Variants in GRID2 observed in about 807,000 individuals in gnomAD.
GRID2 encodes the protein glutamate receptor ionotropic, delta-2.
GRID2 carries 33 observed loss-of-function variants against 114.8 expected under a neutral mutation model. The ratio of observed to expected loss-of-function variants is 0.29; its 90% confidence interval spans 0.22 to 0.38. GRID2 has a LOEUF of 0.38. Among genes scored for constraint, GRID2 ranks in the 10% least tolerant of loss-of-function variants. GRID2 has a pLI of 1.00. For synonymous variants in GRID2, 505 were observed against 449.9 expected (o/e 1.12, Z -1.55); for missense variants, 1,184 against 1,257.7 (o/e 0.94, Z 0.89).
intron 13 of GRID2, among the ~76,000 whole-genome samples, chr4:93,532,335 A>G (rs1396013566): frequency 6.6e-6 from 1 of 152,128 alleles, no homozygotes; most frequent in Non-Finnish European, 1.5e-5. Flanking sequence ...AAGAGTAGCT[A>G]CTCACAAATT....
intron 2 of GRID2, among the ~76,000 whole-genome samples, chr4:92,911,573 T>C (rs544828674): frequency 6.6e-6 from 1 of 152,118 alleles, no homozygotes; most frequent in Admixed American, 6.6e-5. Context: ...ATCTTTTTTT[T>C]TTAACAAAAC....
rs72875930 is a variant in GRID2 at position 93,731,697 on chromosome 4, G to A, written c.2361-37513G>A. 4.7e-3 allele frequency among the ~76,000 whole-genome samples: 712 copies of A among 152,248 alleles called. 1 individual carries two copies. Among genetic ancestry groups the A allele is most frequent in the African/African-American group, 0.016 (679 of 41,540 alleles). On this transcript the variant is annotated intron_variant, in intron 14 of 15. Transcript: ENST00000282020. Reference sequence around the variant, plus strand: ...ACTCTGATGTCACCACAGAGCTTGTGGTATGCAGACTCATTCCAGATGGGC... The same window carrying A: ...ACTCTGATGTCACCACAGAGCTTGTAGTATGCAGACTCATTCCAGATGGGC...
chr4:92,397,806 A>C (rs1730577539), intron 1 of GRID2, among the ~76,000 whole-genome samples: 1 of 152,166 alleles, frequency 6.6e-6, no homozygotes, highest in African/African-American at 2.4e-5. Flanking sequence ...ACATATCAGT[A>C]ATTAATAATG....
intron 4 of GRID2, among the ~76,000 whole-genome samples, chr4:93,202,600 T>C (rs1742225589): frequency 6.6e-6 from 1 of 152,154 alleles, no homozygotes; most frequent in African/African-American, 2.4e-5. Flanking sequence ...AGCCCTCAAG[T>C]TAGTAATGCC....
At chr4:92,592,233 T>C (rs777007932) in intron 2 of GRID2, among the ~76,000 whole-genome samples, 3 of 152,110 alleles carry the variant, frequency 2.0e-5, no homozygotes, top group Non-Finnish European at 2.9e-5. Flanking sequence ...TGAGGACTGA[T>C]TTCTTTCTTT....
intron 2 of GRID2, among the ~76,000 whole-genome samples, chr4:92,687,370 A>T (rs1733959872): frequency 6.6e-6 from 1 of 152,260 alleles, no homozygotes; most frequent in East Asian, 1.9e-4. Context: ...GAAATATTGA[A>T]GATTTGATTC....
Position 93,360,564 on chromosome 4 carries a change from A to G in GRID2, c.1246-35043A>G, listed in dbSNP as rs1044577423. On this transcript the variant is annotated intron_variant, in intron 8 of 15. Transcript: ENST00000282020. ...TTTATCAGTAGTTTTAAAAATATAT[A>G]TCTGTTATTAATTTCTAGTATTGCA... Among the ~76,000 whole-genome samples the G allele has an allele frequency of 3.3e-5, 5 of 152,022 alleles. No individual in the cohort carries two copies. In the East Asian group the frequency reaches 9.7e-4, roughly 29 times the overall value.
chr4:92,835,868 G>T (rs1362186012), intron 2 of GRID2, among the ~76,000 whole-genome samples: 2 of 151,962 alleles, frequency 1.3e-5, no homozygotes, highest in Non-Finnish European at 2.9e-5. Context: ...CCAATATATT[G>T]TGTCCAAATT....
At chr4:92,805,110 C>T (rs924612736) in intron 2 of GRID2, among the ~76,000 whole-genome samples, 1 of 151,960 alleles carries the variant, frequency 6.6e-6, no homozygotes, top group African/African-American at 2.4e-5. Context: ...TCATTTTCTA[C>T]ATGATGAAAC....
chr4:92,521,884 G>C (rs1724800675), intron 1 of GRID2, among the ~76,000 whole-genome samples: 1 of 151,924 alleles, frequency 6.6e-6, no homozygotes. Flanking sequence ...ATATATTTTT[G>C]AGTTAATTCA....
intron 8 of GRID2, among the ~76,000 whole-genome samples, chr4:93,271,252 T>A (rs1203389522): frequency 6.6e-6 from 1 of 152,050 alleles, no homozygotes; most frequent in Admixed American, 6.6e-5. Context: ...GCTAGCAAAC[T>A]GGTAGAATAA....
chr4:92,620,230 G>A (rs1239175040), intron 2 of GRID2, among the ~76,000 whole-genome samples: 1 of 151,646 alleles, frequency 6.6e-6, no homozygotes, highest in African/African-American at 2.4e-5. Context: ...TTTGAGTGAT[G>A]GAATGACATG....
chr4:93,367,611 G>C (rs559109662), intron 8 of GRID2, among the ~76,000 whole-genome samples: 6 of 152,114 alleles, frequency 3.9e-5, no homozygotes, highest in East Asian at 1.9e-4. Context: ...TTGCTTTTTT[G>C]ATAGCTTTAC....
intron 4 of GRID2, among the ~76,000 whole-genome samples, chr4:93,149,125 C>G (rs533581413): frequency 6.6e-6 from 1 of 152,052 alleles, no homozygotes; most frequent in African/African-American, 2.4e-5. Context: ...TCCCGTGTGA[C>G]GCTGCTAAGC....
intron 8 of GRID2, among the ~76,000 whole-genome samples, chr4:93,244,741 T>C (rs1748005743): frequency 6.6e-6 from 1 of 151,196 alleles, no homozygotes; most frequent in African/African-American, 2.4e-5. Flanking sequence ...TTTGTACTTA[T>C]AAGGAGGAGA....
intron 2 of GRID2, among the ~76,000 whole-genome samples, chr4:92,679,169 C>T (rs2149282810): frequency 6.6e-6 from 1 of 152,048 alleles, no homozygotes; most frequent in East Asian, 1.9e-4. Context: ...TTGGTCAAGC[C>T]TTGAAAATTA....
chr4:93,221,974 A>G (rs1744932138), intron 6 of GRID2, among the ~76,000 whole-genome samples: 1 of 152,182 alleles, frequency 6.6e-6, no homozygotes, highest in African/African-American at 2.4e-5. Context: ...AGGTTTGGAT[A>G]GAACCCAGGT....
rs559235161 is a variant in GRID2 at position 93,411,859 on chromosome 4, T to C, written c.1348-10912T>C. Among the ~76,000 whole-genome samples, 58 of 152,196 alleles carry C rather than the reference T, an allele frequency of 3.8e-4. 1 individual carries two copies. The South Asian group carries it at 0.012, about 30-fold the overall frequency. ...TATGTAATTCCCAGCCTTCTAACTG[T>C]TGACAGTTTTATTTCTCATTCCCTG... On this transcript the variant is annotated intron_variant, in intron 9 of 15. Transcript: ENST00000282020.
At chr4:92,544,865 C>G (rs1472318099) in intron 1 of GRID2, among the ~76,000 whole-genome samples, 2 of 152,078 alleles carry the variant, frequency 1.3e-5, no homozygotes, top group Non-Finnish European at 2.9e-5. Context: ...AGCAATATAG[C>G]TTCATCTAAA....
Sources: gnomAD v4.1 joint callset for allele counts (sites outside exome capture counted in the v4.1 genomes callset) on GRCh38, gnomAD v4.1.1 for gene constraint, MANE v1.5 for transcripts, NCBI Gene and HGNC (gene_info 2026-07-23, HGNC 2026-07-21) for gene names.